The following FAM135B variants were observed in gnomAD, a reference collection of about 807,000 sequenced individuals.
The protein encoded by FAM135B is family with sequence similarity 135 member B.
In FAM135B, 43 loss-of-function variants were observed where a neutral mutation model predicts 127.7. The observed-to-expected ratio is 0.34, with a 90% confidence interval of 0.26 to 0.43. The LOEUF is 0.43. Among genes scored for constraint, FAM135B ranks in the 20% least tolerant of loss-of-function variants. The probability of loss-of-function intolerance (pLI) is 1.00; values close to 1 mark genes in which losing one functional copy is unlikely to be tolerated. For missense variants in FAM135B, 1,558 were observed against 1,725.6 expected, an observed-to-expected ratio of 0.90 and a Z score of 1.72; for synonymous variants, 670 against 665.1, an observed-to-expected ratio of 1.01 and a Z score of -0.11.
chr8:138,260,263 T>G (rs1822441828), intron 4 of FAM135B, among the ~76,000 whole-genome samples: 1 of 152,206 alleles, frequency 6.6e-6, no homozygotes, highest in Admixed American at 6.5e-5. Flanking sequence ...CCTCACTAAC[T>G]GACCAGGGCT....
chr8:138,155,428 C>T (rs868774449), intron 12 of FAM135B, among the ~76,000 whole-genome samples: 1 of 152,292 alleles, frequency 6.6e-6, no homozygotes, highest in African/African-American at 2.4e-5. Context: ...ATGACAGGAT[C>T]AAATTCACAC....
At chr8:138,244,402 C>T (rs913304940) in intron 6 of FAM135B, among the ~76,000 whole-genome samples, 5 of 152,030 alleles carry the variant, frequency 3.3e-5, no homozygotes, top group Admixed American at 3.3e-4. Flanking sequence ...GGCTGTGTGA[C>T]CTGAGGCAAG....
At chr8:138,478,559 G>C (rs1411860372) in intron 1 of FAM135B, among the ~76,000 whole-genome samples, 3 of 152,144 alleles carry the variant, frequency 2.0e-5, no homozygotes, top group African/African-American at 4.8e-5. Flanking sequence ...ACAGAGAGCA[G>C]TGATCCTGCC....
chr8:138,222,086 TG>T (rs1211559002), intron 7 of FAM135B, among the ~76,000 whole-genome samples: 9 of 151,876 alleles, frequency 5.9e-5, no homozygotes, highest in Non-Finnish European at 2.9e-5. Context: ...GGTGGAGATG[TG>T]GAAGACAGAA....
At chr8:138,258,256 G>A (rs888761209) in intron 4 of FAM135B, among the ~76,000 whole-genome samples, 1 of 151,988 alleles carries the variant, frequency 6.6e-6, no homozygotes, top group African/African-American at 2.4e-5. Flanking sequence ...CATCTTCCTG[G>A]GATGGAAATC....
chr8:138,265,874 A>C (rs765406811), intron 3 of FAM135B, 32 bp from the exon 4 acceptor site: 14 of 1,607,154 alleles, frequency 8.7e-6, no homozygotes, highest in African/African-American at 1.3e-5. Context: ...GAACCCATGA[A>C]CTCCAATACT....
At chr8:138,276,306 G>T (rs760662032) in intron 3 of FAM135B, among the ~76,000 whole-genome samples, 9 of 152,292 alleles carry the variant, frequency 5.9e-5, no homozygotes, top group Non-Finnish European at 1.2e-4. Flanking sequence ...TCAAATATTT[G>T]TCAGAGCTGC....
chr8:138,440,932 T>C (rs906136432), intron 1 of FAM135B: 1 of 152,144 alleles, frequency 6.6e-6, no homozygotes, highest in African/African-American at 2.4e-5. Flanking sequence ...TTTTGGAGTG[T>C]TCCTGCCACT....
intron 3 of FAM135B, among the ~76,000 whole-genome samples, chr8:138,297,248 G>A (rs1484218476): frequency 6.6e-6 from 1 of 152,212 alleles, no homozygotes; most frequent in African/African-American, 2.4e-5. Context: ...AGGACAGGCA[G>A]AGCCGCTGCC....
intron 13 of FAM135B, among the ~76,000 whole-genome samples, chr8:138,149,364 T>C (rs989245701): frequency 3.3e-5 from 5 of 152,064 alleles, no homozygotes; most frequent in African/African-American, 9.7e-5. Context: ...CTCCATGGCT[T>C]GGCCTTCCCC....
rs150605201 is a variant in FAM135B at position 138,319,387 on chromosome 8, G to A, written c.78-8467C>T. 7.0e-3 allele frequency among the ~76,000 whole-genome samples: 1,066 copies of A among 152,236 alleles called. 16 individuals carry two copies. The highest frequency in any genetic ancestry group is 0.024 in the African/African-American group (977 of 41,528). Reference sequence around the variant, plus strand: ...CTCCCAAAGTGCTAGGATTACAGGCGAGAGCCACTGGCCCGGCCTCCAAGT... The same window carrying A: ...CTCCCAAAGTGCTAGGATTACAGGCAAGAGCCACTGGCCCGGCCTCCAAGT... On this transcript the variant is annotated intron_variant, in intron 2 of 19. Transcript: ENST00000395297.
At chr8:138,269,859 T>C (rs1030509524) in intron 3 of FAM135B, among the ~76,000 whole-genome samples, 39 of 152,336 alleles carry the variant, frequency 2.6e-4, no homozygotes, top group African/African-American at 8.2e-4. Context: ...TCTTCATAGA[T>C]TGAAGATGAC....
At chr8:138,182,916 T>C (rs1019525821) in intron 9 of FAM135B, among the ~76,000 whole-genome samples, 1 of 152,192 alleles carries the variant, frequency 6.6e-6, no homozygotes, top group Admixed American at 6.5e-5. Context: ...TCCCAGGTGA[T>C]TGTAATGGGC....
At chr8:138,460,610 T>A (rs1837065764) in intron 1 of FAM135B, among the ~76,000 whole-genome samples, 1 of 152,190 alleles carries the variant, frequency 6.6e-6, no homozygotes, top group Non-Finnish European at 1.5e-5. Flanking sequence ...AAGAAGACAG[T>A]TATTCATTCT....
chr8:138,341,971 T>C (rs1269567238), intron 2 of FAM135B, among the ~76,000 whole-genome samples: 1 of 152,090 alleles, frequency 6.6e-6, no homozygotes, highest in Non-Finnish European at 1.5e-5. Flanking sequence ...AAAAGTCACT[T>C]AAGTCCTGGA....
intron 2 of FAM135B, among the ~76,000 whole-genome samples, chr8:138,360,573 T>A (rs542881429): frequency 2.2e-4 from 33 of 152,332 alleles, no homozygotes; most frequent in Admixed American, 6.5e-4. Context: ...ATTTTCTTTA[T>A]AATAAAGAGG....
intron 7 of FAM135B, among the ~76,000 whole-genome samples, chr8:138,225,613 CAG>C (rs1819365793): frequency 6.6e-6 from 1 of 152,014 alleles, no homozygotes; most frequent in African/African-American, 2.4e-5. Context: ...GGTCTTACAT[CAG>C]AGTCAGACAC....
chr8:138,252,735 CA>C (rs925304057), intron 5 of FAM135B, among the ~76,000 whole-genome samples: 1 of 152,026 alleles, frequency 6.6e-6, no homozygotes, highest in Admixed American at 6.6e-5. Context: ...ATTAAACAAA[CA>C]AAAAACACAC....
At chr8:138,419,870 A>G (rs1010792420) in intron 1 of FAM135B, among the ~76,000 whole-genome samples, 2 of 152,112 alleles carry the variant, frequency 1.3e-5, no homozygotes, top group Non-Finnish European at 2.9e-5. Flanking sequence ...TAATAGTGCT[A>G]AACACCTACA....
Sources: allele counts gnomAD v4.1 joint callset (sites outside exome capture counted in the v4.1 genomes callset), GRCh38; gene constraint gnomAD v4.1.1; transcripts MANE v1.5; gene names NCBI Gene and HGNC (gene_info 2026-07-23, HGNC 2026-07-21).